The following GUCY1A2 variants were observed in gnomAD, a reference collection of about 807,000 sequenced individuals.
GUCY1A2 encodes the protein guanylate cyclase soluble subunit alpha-2.
A neutral mutation model predicts 63.5 loss-of-function variants in GUCY1A2; 27 were observed. The ratio of observed to expected loss-of-function variants is 0.43; its 90% confidence interval spans 0.31 to 0.59. The LOEUF (loss-of-function observed/expected upper bound fraction) is 0.59, where lower values mean the gene tolerates loss of function less well. Among genes scored for constraint, GUCY1A2 ranks in the 20% least tolerant of loss-of-function variants. The pLI is 0.11. For synonymous variants in GUCY1A2, 364 were observed against 343.5 expected (o/e 1.06, Z -0.66); for missense variants, 768 against 913.3 (o/e 0.84, Z 2.05).
intron 1 of GUCY1A2, among the ~76,000 whole-genome samples, chr11:106,993,678 A>G (rs1255792649): frequency 6.6e-6 from 1 of 152,188 alleles, no homozygotes; most frequent in African/African-American, 2.4e-5. Flanking sequence ...GGGAAAAAAA[A>G]GCCTCAATTT....
chr11:106,791,559 G>A (rs979573510), intron 5 of GUCY1A2, among the ~76,000 whole-genome samples: 4 of 151,972 alleles, frequency 2.6e-5, no homozygotes, highest in Admixed American at 6.6e-5. Flanking sequence ...GGAAACTTCT[G>A]TTCTTCCATC....
intron 6 of GUCY1A2, among the ~76,000 whole-genome samples, chr11:106,743,241 C>G (rs1437604348): frequency 2.0e-5 from 3 of 152,158 alleles, no homozygotes; most frequent in Non-Finnish European, 4.4e-5. Flanking sequence ...CTTGTCCCTT[C>G]AAATTCATAA....
At chr11:106,806,353 TA>T (rs958979147) in intron 5 of GUCY1A2, among the ~76,000 whole-genome samples, 4 of 152,152 alleles carry the variant, frequency 2.6e-5, no homozygotes, top group African/African-American at 9.7e-5. Flanking sequence ...ATGGGGATGC[TA>T]AAGATTGTAT....
chr11:106,776,387 C>T, intron 6 of GUCY1A2, 52 bp downstream of exon 6: 1 of 1,419,946 alleles, frequency 7.0e-7, no homozygotes, highest in Non-Finnish European at 9.9e-7. Context: ...TTATTTGCCT[C>T]CTCCAGTTAA....
chr11:106,744,793 G>C (rs1204026295), intron 6 of GUCY1A2, among the ~76,000 whole-genome samples: 5 of 152,134 alleles, frequency 3.3e-5, no homozygotes, highest in Admixed American at 3.3e-4. Flanking sequence ...TATAAAAGCA[G>C]CTAATTGTGT....
chr11:106,837,264 T>C (rs1212462065), intron 4 of GUCY1A2, among the ~76,000 whole-genome samples: 2 of 152,050 alleles, frequency 1.3e-5, no homozygotes, highest in Non-Finnish European at 2.9e-5. Context: ...TTTCTTTTCT[T>C]GTATTAGTCT....
At position 106,827,729 on chromosome 11, in the gene GUCY1A2, C is replaced by G. The variant is rs911077115; in HGVS notation, c.1207-17251G>C. 1.7e-5 allele frequency: 26 copies of G among 1,542,904 alleles called. No individual in the cohort carries two copies. The Admixed American group carries it at 4.3e-4, about 26-fold the overall frequency. On this transcript the variant is annotated intron_variant, in intron 4 of 7. Transcript: ENST00000526355. ...ATTCTTCCAATATTTTAGAAATCTGCTTGAAATTTGTAACTGCTTTCATAA... is the reference window on the plus strand; with the variant it reads ...ATTCTTCCAATATTTTAGAAATCTGGTTGAAATTTGTAACTGCTTTCATAA...
chr11:106,824,128 A>T, intron 4 of GUCY1A2: 1 of 1,506,952 alleles, frequency 6.6e-7, no homozygotes, highest in South Asian at 1.2e-5. Context: ...CTTCTGAACA[A>T]TGAGGCACAT....
intron 1 of GUCY1A2, among the ~76,000 whole-genome samples, chr11:107,001,035 A>G (rs1197072510): frequency 1.3e-5 from 2 of 152,190 alleles, no homozygotes; most frequent in Admixed American, 6.5e-5. Flanking sequence ...TAGTACAATG[A>G]CAGGTTTTTC....
At chr11:106,870,112 G>T (rs531918197) in intron 4 of GUCY1A2, among the ~76,000 whole-genome samples, 247 of 129,280 alleles carry the variant, frequency 1.9e-3, no homozygotes, top group South Asian at 0.014. Context: ...TTGTGAGGGG[G>T]GGGGAGGGGG....
At chr11:106,950,534 T>A (rs906079207) in intron 3 of GUCY1A2, among the ~76,000 whole-genome samples, 4 of 152,134 alleles carry the variant, frequency 2.6e-5, no homozygotes, top group Non-Finnish European at 5.9e-5. Context: ...AGATAAGTAT[T>A]CTCATCACTT....
At chr11:106,836,391 C>T (rs1859117763) in intron 4 of GUCY1A2, among the ~76,000 whole-genome samples, 1 of 151,880 alleles carries the variant, frequency 6.6e-6, no homozygotes, top group Non-Finnish European at 1.5e-5. Flanking sequence ...CAGTACTGTA[C>T]CATATTTATC....
chr11:106,927,865 C>A (rs981795570), intron 4 of GUCY1A2, among the ~76,000 whole-genome samples: 3 of 152,200 alleles, frequency 2.0e-5, no homozygotes, highest in Admixed American at 6.5e-5. Context: ...AGCCACCACG[C>A]CCGGCCTGGA....
In GUCY1A2 at chr11:106,755,690, G is replaced by T. The variant is rs1362353897; in HGVS notation, c.1836+20749C>A. On this transcript the variant is annotated intron_variant, in intron 6 of 7. Transcript: ENST00000526355. Reference sequence around the variant, plus strand: ...GTTTCTTAATCCTGAGTTCTAATTTGATTACACTGTGGTTTGAGAGACAGT... The same window carrying T: ...GTTTCTTAATCCTGAGTTCTAATTTTATTACACTGTGGTTTGAGAGACAGT... Among the ~76,000 whole-genome samples, 4 of 152,144 alleles carry T rather than the reference G, an allele frequency of 2.6e-5. No homozygotes were observed. The South Asian group carries it at 6.2e-4, about 24-fold the overall frequency.
At chr11:106,929,057 C>A (rs1259369568) in intron 4 of GUCY1A2, among the ~76,000 whole-genome samples, 1 of 152,056 alleles carries the variant, frequency 6.6e-6, no homozygotes, top group African/African-American at 2.4e-5. Context: ...CTTTAGCCAC[C>A]AGTATAATAG....
intron 4 of GUCY1A2, among the ~76,000 whole-genome samples, chr11:106,914,730 T>A (rs926493793): frequency 6.6e-6 from 1 of 151,372 alleles, no homozygotes; most frequent in Non-Finnish European, 1.5e-5. Flanking sequence ...ATTGAAAATA[T>A]GAGAAGAGTA....
intron 4 of GUCY1A2, among the ~76,000 whole-genome samples, chr11:106,824,606 CT>C (rs1858942743): frequency 6.6e-6 from 1 of 152,070 alleles, no homozygotes; most frequent in Non-Finnish European, 1.5e-5. Flanking sequence ...GTCTTTAGAA[CT>C]TCTCTCACAA....
chr11:106,876,205 C>T (rs1859746504), intron 4 of GUCY1A2, among the ~76,000 whole-genome samples: 1 of 151,800 alleles, frequency 6.6e-6, no homozygotes, highest in African/African-American at 2.4e-5. Flanking sequence ...TTCACAAGAA[C>T]ACATAAGATT....
chr11:106,774,320 A>T (rs1458639541), intron 6 of GUCY1A2, among the ~76,000 whole-genome samples: 1 of 152,012 alleles, frequency 6.6e-6, no homozygotes, highest in African/African-American at 2.4e-5. Context: ...TTTAGTACAG[A>T]CAGGGTTTCA....
Sources: gnomAD v4.1 joint callset for allele counts (sites outside exome capture counted in the v4.1 genomes callset) on GRCh38, gnomAD v4.1.1 for gene constraint, MANE v1.5 for transcripts, NCBI Gene and HGNC (gene_info 2026-07-23, HGNC 2026-07-21) for gene names.